The following IL18RAP variants were observed in gnomAD, a reference collection of about 807,000 sequenced individuals.
IL18RAP encodes the protein interleukin 18 receptor accessory protein, also known as interleukin-18 receptor accessory protein.
Under a neutral mutation model 58.1 loss-of-function variants are expected in IL18RAP, and 37 were observed. The ratio of observed to expected loss-of-function variants is 0.64; its 90% CI spans 0.49 to 0.84. The LOEUF (loss-of-function observed/expected upper bound fraction) is 0.84. IL18RAP is among the 40% of genes least tolerant of loss of function. The probability of loss-of-function intolerance (pLI) is 0.00; values close to 1 mark genes in which losing one functional copy is unlikely to be tolerated. For synonymous variants in IL18RAP, 268 were observed against 257.5 expected (o/e 1.04, Z -0.39); for missense variants, 667 against 704.8 (o/e 0.95, Z 0.61).
intron 3 of IL18RAP, among the ~76,000 whole-genome samples, chr2:102,436,479 C>G (rs539706806): frequency 4.6e-5 from 7 of 152,194 alleles, no homozygotes; most frequent in Non-Finnish European, 7.3e-5. Context: ...CTGCCCCCAC[C>G]CTTAGTCTCC....
At chr2:102,433,002 A>T (rs1682486971) in intron 3 of IL18RAP, among the ~76,000 whole-genome samples, 1 of 152,182 alleles carries the variant, frequency 6.6e-6, no homozygotes, top group Non-Finnish European at 1.5e-5. Flanking sequence ...GACACAAGTC[A>T]AAATTATAAT....
At chr2:102,443,135 C>T (rs1391938151) in intron 5 of IL18RAP, 65 bp from the exon 6 acceptor site, 25 of 1,522,010 alleles carry the variant, frequency 1.6e-5, no homozygotes, top group East Asian at 2.3e-5. Context: ...CGTCTTCCTC[C>T]CAGATGTAGG....
At chr2:102,450,805 A>G in intron 8 of IL18RAP, 43 bp from the exon 9 acceptor site, 1 of 1,337,738 alleles carries the variant, frequency 7.5e-7, no homozygotes, top group Non-Finnish European at 1.0e-6. Flanking sequence ...AGTAAAAAAA[A>G]GAGTAAATGA....
upstream of IL18RAP, chr2:102,418,966 T>C (rs1034993534): frequency 1.3e-5 from 2 of 152,368 alleles, no homozygotes; most frequent in African/African-American, 4.8e-5. Context: ...TTCTTTTTTT[T>C]CACTAGATTT....
At chr2:102,449,897 T>C (rs1219281006) in intron 8 of IL18RAP, among the ~76,000 whole-genome samples, 1 of 152,204 alleles carries the variant, frequency 6.6e-6, no homozygotes, top group Non-Finnish European at 1.5e-5. Context: ...ATAGGTTAGT[T>C]TCCCAACCTC....
chr2:102,442,907 G>A (rs750058377), intron 5 of IL18RAP, among the ~76,000 whole-genome samples: 25 of 152,132 alleles, frequency 1.6e-4, no homozygotes, highest in Admixed American at 1.2e-3. Context: ...TTTTCTTAGT[G>A]TCTCCCTCAA....
intron 3 of IL18RAP, among the ~76,000 whole-genome samples, chr2:102,426,512 A>G (rs1403261049): frequency 6.6e-6 from 1 of 152,124 alleles, no homozygotes; most frequent in Non-Finnish European, 1.5e-5. Flanking sequence ...TTAAATATAT[A>G]CAATACATTT....
chr2:102,434,235 G>C (rs931949553), intron 3 of IL18RAP: 1 of 152,070 alleles, frequency 6.6e-6, no homozygotes, highest in Non-Finnish European at 1.5e-5. Flanking sequence ...TATTGCCACA[G>C]CCCCACTATT....
chr2:102,420,928 T>G (rs1054793963), upstream of IL18RAP, among the ~76,000 whole-genome samples: 2 of 152,236 alleles, frequency 1.3e-5, no homozygotes, highest in Non-Finnish European at 2.9e-5. Flanking sequence ...AATTTATTAC[T>G]AATTGTTCAT....
intron 3 of IL18RAP, among the ~76,000 whole-genome samples, chr2:102,435,843 ATT>A (rs60082330): frequency 0.023 from 3,168 of 137,538 alleles, 76 homozygotes; most frequent in African/African-American, 0.072. Flanking sequence ...CAGTGTCTTC[ATT>A]TTTTTTTTTT....
intron 1 of IL18RAP, among the ~76,000 whole-genome samples, 194 bp downstream of exon 1, chr2:102,423,541 C>T (rs1466292990): frequency 1.3e-5 from 2 of 152,164 alleles, no homozygotes; most frequent in Non-Finnish European, 2.9e-5. Context: ...TACCCTGTTA[C>T]TGTAGTTGAG....
intron 4 of IL18RAP, 54 bp downstream of exon 4, chr2:102,437,416 T>A: frequency 1.9e-6 from 3 of 1,562,494 alleles, no homozygotes; most frequent in Non-Finnish European, 2.6e-6. Flanking sequence ...ATTAAAATTA[T>A]CTTCTTTTGG....
At chr2:102,427,868 T>G (rs1682056800) in intron 3 of IL18RAP, among the ~76,000 whole-genome samples, 1 of 152,064 alleles carries the variant, frequency 6.6e-6, no homozygotes, top group African/African-American at 2.4e-5. Flanking sequence ...TTTGAATTGA[T>G]GGGTTGTATG....
chr2:102,447,786 G>A (rs866804466), intron 8 of IL18RAP, among the ~76,000 whole-genome samples: 2 of 151,686 alleles, frequency 1.3e-5, no homozygotes, highest in Non-Finnish European at 2.9e-5. Context: ...GCTGGAGTGC[G>A]GTGGCACCAT....
At chr2:102,444,088 C>T (rs1022502333) in intron 6 of IL18RAP, among the ~76,000 whole-genome samples, 14 of 152,046 alleles carry the variant, frequency 9.2e-5, no homozygotes, top group African/African-American at 3.4e-4. Flanking sequence ...AAGATGTGAC[C>T]CAGAGTAAGA....
chr2:102,427,229 C>T (rs572551967), intron 3 of IL18RAP, among the ~76,000 whole-genome samples: 133 of 152,098 alleles, frequency 8.7e-4, no homozygotes, highest in African/African-American at 2.9e-3. Flanking sequence ...CGTAGTTAAC[C>T]CTTTGCCATA....
chr2:102,423,111 C>T, upstream of IL18RAP: 1 of 704,294 alleles, frequency 1.4e-6, no homozygotes, highest in Admixed American at 2.5e-5. Context: ...CCTTTCAAAG[C>T]TTCCTGTGTG....
At chr2:102,448,830 A>AC (rs1185241677) in intron 8 of IL18RAP, among the ~76,000 whole-genome samples, 5 of 151,916 alleles carry the variant, frequency 3.3e-5, no homozygotes, top group Non-Finnish European at 7.4e-5. Flanking sequence ...GCGTGGTGGT[A>AC]CCCACCTGTA....
At chr2:102,447,378 A>G (rs1185195418) in intron 8 of IL18RAP, among the ~76,000 whole-genome samples, 171 bp downstream of exon 8, 1 of 152,196 alleles carries the variant, frequency 6.6e-6, no homozygotes, top group Non-Finnish European at 1.5e-5. Flanking sequence ...GAGGAGCTGA[A>G]GAAAGAAATG....
Sources: allele counts gnomAD v4.1 joint callset (sites outside exome capture counted in the v4.1 genomes callset), GRCh38; gene constraint gnomAD v4.1.1; transcripts MANE v1.5; gene names NCBI Gene and HGNC (gene_info 2026-07-23, HGNC 2026-07-21).